The following FCRL2 variants were observed in gnomAD, a reference collection of about 807,000 sequenced individuals.
FCRL2 encodes the protein Fc receptor like 2, also known as Fc receptor-like protein 2.
Under a neutral mutation model 59.8 loss-of-function variants are expected in FCRL2, and 48 were observed. The observed-to-expected ratio is 0.80, with a 90% confidence interval of 0.64 to 1.02. The LOEUF (loss-of-function observed/expected upper bound fraction) is 1.02. Among genes scored for constraint, FCRL2 ranks in the 50% least tolerant of loss-of-function variants. The pLI is 0.00. For synonymous variants in FCRL2, 251 were observed against 229.5 expected (o/e 1.09, Z -0.85); for missense variants, 658 against 597.3 (o/e 1.10, Z -1.06).
chr1:157,772,028 T>TTTTATA (rs112809140), intron 2 of FCRL2, among the ~76,000 whole-genome samples: 1,592 of 147,136 alleles, frequency 0.011, 19 homozygotes, highest in Non-Finnish European at 0.015. Flanking sequence ...AACAATCTGA[T>TTTTATA]TATATATATA....
intron 2 of FCRL2, among the ~76,000 whole-genome samples, chr1:157,773,546 A>G (rs766707368): frequency 1.3e-5 from 2 of 152,182 alleles, no homozygotes; most frequent in Non-Finnish European, 2.9e-5. Context: ...GGGTAGACAT[A>G]AGTTGGTTCA....
chr1:157,771,623 C>T (rs184690433), intron 2 of FCRL2, among the ~76,000 whole-genome samples: 34 of 152,242 alleles, frequency 2.2e-4, no homozygotes, highest in Non-Finnish European at 2.4e-4. Flanking sequence ...AATGTCCTCC[C>T]CAGAGGTTGT....
chr1:157,749,037 G>T, intron 8 of FCRL2, 77 bp from the exon 9 acceptor site: 3 of 1,278,238 alleles, frequency 2.3e-6, no homozygotes, highest in East Asian at 2.3e-5. Flanking sequence ...GCTGAGGAGA[G>T]AGCAGGTGGA....
chr1:157,761,161 T>C (rs1268174405), intron 7 of FCRL2, among the ~76,000 whole-genome samples: 1 of 152,152 alleles, frequency 6.6e-6, no homozygotes, highest in Non-Finnish European at 1.5e-5. Context: ...CTTACTGACA[T>C]AGGTGAAACT....
At chr1:157,776,217 C>A (rs1230570165) in intron 1 of FCRL2, among the ~76,000 whole-genome samples, 1 of 152,142 alleles carries the variant, frequency 6.6e-6, no homozygotes, top group Non-Finnish European at 1.5e-5. Context: ...TTTCCTATGG[C>A]CATATTTCAC....
intron 7 of FCRL2, among the ~76,000 whole-genome samples, chr1:157,758,939 C>A (rs1244792040): frequency 2.0e-5 from 3 of 152,126 alleles, no homozygotes; most frequent in Non-Finnish European, 2.9e-5. Flanking sequence ...CAAGATGGAT[C>A]AAATTCTTAA....
intron 7 of FCRL2, among the ~76,000 whole-genome samples, chr1:157,762,616 CA>C (rs1649185516): frequency 6.6e-6 from 1 of 152,022 alleles, no homozygotes; most frequent in Non-Finnish European, 1.5e-5. Context: ...ACATACAATG[CA>C]AAAAGGTCTT....
At chr1:157,756,559 G>T (rs992515852) in intron 7 of FCRL2, among the ~76,000 whole-genome samples, 9 of 151,968 alleles carry the variant, frequency 5.9e-5, no homozygotes, top group South Asian at 2.1e-4. Context: ...CATGCCTGTG[G>T]TCCCATCTAC....
intron 7 of FCRL2, among the ~76,000 whole-genome samples, chr1:157,752,550 G>C (rs1408831196): frequency 6.6e-6 from 1 of 152,200 alleles, no homozygotes; most frequent in African/African-American, 2.4e-5. Context: ...GCCTGCCTGC[G>C]ATTTCAACCA....
Position 157,768,449 on chromosome 1 carries a change from G to A in FCRL2, c.848C>T (p.Pro283Leu). ...YYCRADNGHV[P>L]IQSKVVNIPV... Reference sequence around the variant, plus strand: ...GATATTCACCACCTTGCTCTGGATAGGCACATGGCCGTTGTCAGCTCTACA... The same window carrying A: ...GATATTCACCACCTTGCTCTGGATAAGCACATGGCCGTTGTCAGCTCTACA... Residue 283 changes from proline to leucine, a missense_variant, in exon 5 of 12, where the codon CCT becomes CTT. Pro to Leu is a moderately conservative substitution (Grantham distance 98). Coordinates refer to ENST00000361516, the MANE Select transcript of FCRL2 (RefSeq NM_030764.4). 2 of 1,614,214 alleles carry A rather than the reference G, an allele frequency of 1.2e-6. No homozygotes were observed. Among genetic ancestry groups the A allele is most frequent in the Non-Finnish European group, 1.7e-6 (2 of 1,180,034 alleles).
Position 157,766,910 on chromosome 1 carries a change from G to A in FCRL2, c.1224C>T (p.Val408=), listed in dbSNP as rs751325876. 2 of 1,614,134 alleles carry A rather than the reference G, an allele frequency of 1.2e-6. No individual in the cohort carries two copies. The highest frequency in any genetic ancestry group is 1.1e-5 in the South Asian group (1 of 91,084). ...GCAAAGCAACACCAGTGAAACCAAGGACACCAAACAGTCCCCAGAGAACTC... is the reference window on the plus strand; with the variant it reads ...GCAAAGCAACACCAGTGAAACCAAGAACACCAAACAGTCCCCAGAGAACTC... ...TAGVLWGLFG[V]LGFTGVALLL... The change falls in exon 7 of 12, where the codon GTC becomes GTT. Residue 408 remains valine, a synonymous_variant. Transcript: ENST00000361516.
intron 7 of FCRL2, among the ~76,000 whole-genome samples, chr1:157,760,604 G>C (rs898644072): frequency 1.0e-4 from 15 of 150,596 alleles, no homozygotes; most frequent in Non-Finnish European, 1.9e-4. Flanking sequence ...TCCAACCTGG[G>C]AGACAGAGTG....
chr1:157,768,630 T>G lies in FCRL2; in HGVS notation c.667A>C (p.Ile223Leu). 3.1e-6 allele frequency: 5 copies of G among 1,614,138 alleles called. No homozygotes were observed. Among genetic ancestry groups the G allele is most frequent in the Non-Finnish European group, 4.2e-6 (5 of 1,180,024 alleles). Residue 223 changes from isoleucine to leucine, a missense_variant, in exon 5 of 12, where the codon ATC (isoleucine) becomes CTC (leucine). Coordinates refer to ENST00000361516, the MANE Select transcript of FCRL2 (RefSeq NM_030764.4). ...GGQVTEGQKL[I>L]LLCSVAGGTG... ...CCCCCAGCCACTGAGCAGAGCAGGA[T>G]CAGTTTTTGTCCTTCAGTCACCTGT...
Position 157,770,476 on chromosome 1 carries a change from G to A in FCRL2, c.243C>T (p.Phe81=). The part of the protein sequence containing the change: ...SAVLSDSGNY[F]CSTKGQLFLW... ...GAAAGAGTTGTCCTTTGGTACTACA[G>A]AAATAGTTACCACTGTCACTTAAAA... Residue 81 remains phenylalanine (F), a synonymous_variant, in exon 3 of 12, where the codon TTC becomes TTT. Coordinates refer to ENST00000361516, the MANE Select transcript of FCRL2 (RefSeq NM_030764.4). 2 of 1,613,908 alleles carry A rather than the reference G, an allele frequency of 1.2e-6. No individual in the cohort carries two copies.
chr1:157,776,146 A>G (rs1035534726), intron 1 of FCRL2, among the ~76,000 whole-genome samples: 1 of 152,222 alleles, frequency 6.6e-6, no homozygotes, highest in Non-Finnish European at 1.5e-5. Context: ...CAACACGATC[A>G]CAAAGGGCTC....
chr1:157,770,398 C>A lies in FCRL2; in HGVS notation c.310+11G>T. 1 of 449,504 alleles carries A rather than the reference C, an allele frequency of 2.2e-6. No individual in the cohort carries two copies. The highest frequency in any genetic ancestry group is 3.9e-5 in the South Asian group (1 of 25,374). 27.8% of individuals were successfully genotyped at this position (449,504 alleles called of 1,614,324 possible). On this transcript the variant is annotated intron_variant, in intron 3 of 11. Transcript: ENST00000361516. ...CTCACCCAGCCCATCCCACAGAAGT[C>A]AGGGTTTTACCTTGGACTTTTATCT... is the stretch of plus-strand genomic sequence containing the variant.
intron 7 of FCRL2, among the ~76,000 whole-genome samples, chr1:157,753,996 C>T (rs1198125309): frequency 6.6e-6 from 1 of 152,038 alleles, no homozygotes; most frequent in East Asian, 1.9e-4. Context: ...AAATAAATCA[C>T]ATAGAAATAA....
intron 7 of FCRL2, among the ~76,000 whole-genome samples, chr1:157,760,514 G>A (rs1335536315): frequency 1.3e-5 from 2 of 151,746 alleles, no homozygotes; most frequent in Admixed American, 6.6e-5. Flanking sequence ...TGTAATCTCA[G>A]CTACCCAGGA....
intron 7 of FCRL2, among the ~76,000 whole-genome samples, chr1:157,763,526 C>CA (rs1340436622): frequency 6.6e-6 from 1 of 151,640 alleles, no homozygotes; most frequent in African/African-American, 2.4e-5. Context: ...AACTCCATCT[C>CA]AAAAAACAAA....
Sources: allele counts gnomAD v4.1 joint callset (sites outside exome capture counted in the v4.1 genomes callset), GRCh38; gene constraint gnomAD v4.1.1; transcripts MANE v1.5; gene names NCBI Gene and HGNC (gene_info 2026-07-23, HGNC 2026-07-21).